Variants in SPTLC2 observed in about 807,000 individuals in gnomAD.
The protein encoded by SPTLC2 is serine palmitoyltransferase 2.
Under a neutral mutation model 62.0 loss-of-function variants are expected in SPTLC2, and 21 were observed. The ratio of observed to expected loss-of-function variants is 0.34; its 90% CI spans 0.24 to 0.49. The LOEUF is 0.49. SPTLC2 is among the 20% of genes least tolerant of loss of function. SPTLC2 has a pLI of 0.99. For missense variants in SPTLC2, 511 were observed against 713.0 expected, an observed-to-expected ratio of 0.72 and a Z score of 3.23; for synonymous variants, 261 against 261.8, an observed-to-expected ratio of 1.00 and a Z score of 0.03.
At chr14:77,553,876 G>A (rs941220360) in intron 8 of SPTLC2, among the ~76,000 whole-genome samples, 1 of 151,744 alleles carries the variant, frequency 6.6e-6, no homozygotes, top group Non-Finnish European at 1.5e-5. Context: ...ATGCAGTGGT[G>A]TAATCACGGC....
intron 1 of SPTLC2, among the ~76,000 whole-genome samples, chr14:77,609,705 GC>G (rs1047754603): frequency 7.2e-5 from 11 of 151,916 alleles, no homozygotes; most frequent in African/African-American, 2.2e-4. Flanking sequence ...CCCAGCCTGG[GC>G]AACGGAGTGA....
rs76547017 is a variant in SPTLC2 at position 77,546,611 on chromosome 14, C to G, written c.1303+5485G>C. Reference sequence around the variant, plus strand: ...GTTCTTCCCGGGAATCTTACCCCTACCACTGGACTGTTTTTTCAAAGGCAA... The same window carrying G: ...GTTCTTCCCGGGAATCTTACCCCTAGCACTGGACTGTTTTTTCAAAGGCAA... On this transcript the variant is annotated intron_variant, in intron 9 of 11. Coordinates refer to ENST00000216484, the MANE Select transcript of SPTLC2 (RefSeq NM_004863.4). Among the ~76,000 whole-genome samples the G allele has an allele frequency of 2.6e-5, 4 of 152,236 alleles. No homozygotes were observed. The East Asian group carries it at 7.7e-4, about 29-fold the overall frequency.
intron 9 of SPTLC2, among the ~76,000 whole-genome samples, chr14:77,529,275 T>TA (rs1434664384): frequency 4.5e-5 from 6 of 131,968 alleles, no homozygotes; most frequent in South Asian, 2.3e-4. Context: ...TTTTTTTTTT[T>TA]AACAAATATG....
rs1320567473 is a variant in SPTLC2, at chr14:77,562,376, G to A, written c.850+20C>T. On this transcript the variant is annotated intron_variant, in intron 6 of 11. Coordinates refer to ENST00000216484, the MANE Select transcript of SPTLC2 (RefSeq NM_004863.4). ...GAATAGCAAAACCAAGGCCAGCAGT[G>A]AATTCTTCAGCAAACTCACTGTTGT... The A allele has an allele frequency of 1.2e-6, 2 of 1,610,658 alleles. No homozygotes were observed. Among genetic ancestry groups the A allele is most frequent in the Admixed American group, 1.7e-5 (1 of 59,990 alleles).
At position 77,531,420 on chromosome 14, in the gene SPTLC2, T is replaced by TTTCTTCTTC. The variant is rs145629888; in HGVS notation, c.1304-9848_1304-9840dup. Among the ~76,000 whole-genome samples, 79 of 129,676 alleles carry TTTCTTCTTC rather than the reference T, an allele frequency of 6.1e-4. 2 individuals carry two copies. Among genetic ancestry groups the TTTCTTCTTC allele is most frequent in the African/African-American group, 2.4e-3 (72 of 29,626 alleles). The allele number at this position is 129,676 out of a possible 152,430, so 85.1% of individuals were successfully genotyped here. On this transcript the variant is annotated intron_variant, in intron 9 of 11. Coordinates refer to ENST00000216484, the MANE Select transcript of SPTLC2 (RefSeq NM_004863.4). ...GTTATTTCTTCACAGGGACCATGAC[T>TTTCTTCTTC]TTCTTCTTCTTCTTCTTCTTCTTCT... is the stretch of plus-strand genomic sequence containing the variant.
intron 4 of SPTLC2, among the ~76,000 whole-genome samples, chr14:77,573,377 C>T (rs940004430): frequency 2.6e-5 from 4 of 151,946 alleles, no homozygotes; most frequent in Admixed American, 6.6e-5. Context: ...CTTGGGGTGA[C>T]GAGTACCCTA....
Position 77,555,631 on chromosome 14 carries a change from C to A in SPTLC2, c.957-112G>T. ...TGAGTTTACTGCTTCTTTTTTTTTTCTTGGGACAGAGTTTTGCTCCATTGT... is the reference window on the plus strand; with the variant it reads ...TGAGTTTACTGCTTCTTTTTTTTTTATTGGGACAGAGTTTTGCTCCATTGT... On this transcript the variant is annotated intron_variant, in intron 7 of 11. Coordinates refer to ENST00000216484, the MANE Select transcript of SPTLC2 (RefSeq NM_004863.4). The A allele has an allele frequency of 5.6e-6, 6 of 1,065,692 alleles. No individual in the cohort carries two copies. The South Asian group carries it at 7.1e-5, about 13-fold the overall frequency. 66.0% of individuals were successfully genotyped at this position (1,065,692 alleles called of 1,614,324 possible). A position where few individuals can be genotyped will look rare whatever the true frequency, so the allele number is the denominator to read the frequency against.
In SPTLC2 at chr14:77,602,234, T is replaced by C. The variant is rs184938207; in HGVS notation, c.133-4854A>G. 5.3e-5 allele frequency among the ~76,000 whole-genome samples: 8 copies of C among 152,296 alleles called. No individual in the cohort carries two copies. In the East Asian group the frequency reaches 1.5e-3, roughly 29 times the overall value. ...CAAATTCCTTTCCAGAACTCCACAT[T>C]CGCATTTCCACCTGCCTTCTACATA... is the stretch of plus-strand genomic sequence containing the variant. On this transcript the variant is annotated intron_variant, in intron 1 of 11. Transcript: ENST00000216484.
At chr14:77,519,080 G>A (rs569983416) in intron 10 of SPTLC2, among the ~76,000 whole-genome samples, 1 of 151,902 alleles carries the variant, frequency 6.6e-6, no homozygotes, top group East Asian at 1.9e-4. Flanking sequence ...TCGCTTTGTC[G>A]CCAGGCTGCA....
intron 6 of SPTLC2, among the ~76,000 whole-genome samples, chr14:77,561,914 A>G (rs1338636880): frequency 2.0e-5 from 3 of 152,240 alleles, no homozygotes; most frequent in Non-Finnish European, 4.4e-5. Context: ...AATCATTTTA[A>G]TAATACACAA....
intron 9 of SPTLC2, among the ~76,000 whole-genome samples, chr14:77,542,276 T>A (rs912894848): frequency 2.6e-5 from 4 of 152,044 alleles, no homozygotes; most frequent in Non-Finnish European, 5.9e-5. Flanking sequence ...AAGAATCTTA[T>A]CTAAAAGCTC....
intron 2 of SPTLC2, among the ~76,000 whole-genome samples, chr14:77,592,127 T>G (rs964516604): frequency 6.6e-6 from 1 of 151,382 alleles, no homozygotes; most frequent in African/African-American, 2.4e-5. Flanking sequence ...TACCAGAATA[T>G]TCTTAGTACG....
chr14:77,571,403 G>A (rs1191954445), intron 4 of SPTLC2, among the ~76,000 whole-genome samples: 5 of 151,818 alleles, frequency 3.3e-5, no homozygotes, highest in East Asian at 1.9e-4. Flanking sequence ...CCAGCTACTC[G>A]GGGGCTGAGG....
chr14:77,518,181 A>C lies in SPTLC2; in HGVS notation c.1440-14T>G. On this transcript the variant is annotated splice_polypyrimidine_tract_variant and intron_variant, in intron 10 of 11. Transcript: ENST00000216484. ...CGTCCAAAGGCGCTGCAAAGGGGAA[A>C]ACAAGAACAGAAACCAGGAGGAGTG... 6.2e-7 allele frequency: 1 copy of C among 1,614,136 alleles called. No homozygotes were observed. Among genetic ancestry groups the C allele is most frequent in the South Asian group, 1.1e-5 (1 of 91,080 alleles).
At chr14:77,595,883 C>A (rs564959351) in intron 2 of SPTLC2, among the ~76,000 whole-genome samples, 2 of 152,168 alleles carry the variant, frequency 1.3e-5, no homozygotes. Context: ...AAAAGACAAC[C>A]TTTTGCCATG....
intron 9 of SPTLC2, among the ~76,000 whole-genome samples, chr14:77,525,332 C>CTG: frequency 6.6e-6 from 1 of 152,214 alleles, no homozygotes; most frequent in East Asian, 1.9e-4. Context: ...TGGCTCACGC[C>CTG]TGTAATCCCA....
In SPTLC2 at chr14:77,616,546, G is replaced by A. The variant is rs2079969126; in HGVS notation, c.34C>T (p.Arg12Cys). Residue 12 changes from arginine to cysteine, a missense_variant, in exon 1 of 12, where the codon CGC (arginine) becomes TGC (cysteine). By Grantham distance (180) the Arg-to-Cys change is radical. Transcript: ENST00000216484. ...ACGCAGCCATTCGCCCGCACCGTGC[G>A]GCGGCAGCAGCAGCCTCCGGGCTCC... ...RPEPGGCCCR[R>C]TVRANGCVAN... The A allele has an allele frequency of 2.0e-6, 3 of 1,536,068 alleles. No homozygotes were observed. Among genetic ancestry groups the A allele is most frequent in the South Asian group, 1.2e-5 (1 of 84,110 alleles).
intron 1 of SPTLC2, among the ~76,000 whole-genome samples, chr14:77,599,464 C>A (rs1274055796): frequency 6.6e-6 from 1 of 152,060 alleles, no homozygotes; most frequent in African/African-American, 2.4e-5. Context: ...ATATCCTATC[C>A]CCGTAATGTT....
intron 9 of SPTLC2, among the ~76,000 whole-genome samples, chr14:77,539,717 T>C (rs2079490176): frequency 6.6e-6 from 1 of 151,906 alleles, no homozygotes; most frequent in African/African-American, 2.4e-5. Flanking sequence ...CTCAAACTCC[T>C]AACCTCAAGT....
Sources: gnomAD v4.1 joint callset for allele counts (sites outside exome capture counted in the v4.1 genomes callset) on GRCh38, gnomAD v4.1.1 for gene constraint, MANE v1.5 for transcripts, NCBI Gene and HGNC (gene_info 2026-07-23, HGNC 2026-07-21) for gene names.